The following WDR27 variants were observed in gnomAD, a reference collection of about 807,000 sequenced individuals.
WDR27 encodes WD repeat-containing protein 27.
Under a neutral mutation model 114.4 loss-of-function variants are expected in WDR27, and 100 were observed. The observed-to-expected ratio is 0.87, with a 90% CI of 0.74 to 1.03. The LOEUF is 1.03. Ranked by LOEUF, WDR27 falls within the 50% of genes least tolerant of loss-of-function variation. The pLI, the probability that WDR27 is intolerant of heterozygous loss-of-function variation, is 0.00. For missense variants in WDR27, 1,129 were observed against 1,092.9 expected, an observed-to-expected ratio of 1.03 and a Z score of -0.47; for synonymous variants, 449 against 423.1, an observed-to-expected ratio of 1.06 and a Z score of -0.75.
chr6:169,651,360 G>A (rs1822512977), intron 14 of WDR27, among the ~76,000 whole-genome samples: 1 of 152,068 alleles, frequency 6.6e-6, no homozygotes. Context: ...TGAGGTAGGA[G>A]GCGGGGGATA....
chr6:169,508,576 G>T (rs1792325610), intron 25 of WDR27, among the ~76,000 whole-genome samples: 1 of 152,114 alleles, frequency 6.6e-6, no homozygotes, highest in Non-Finnish European at 1.5e-5. Context: ...TGAATTGTCT[G>T]CATGGAACAA....
Position 169,602,182 on chromosome 6 carries a change from G to A in WDR27, c.2424+37C>T, listed in dbSNP as rs558331917. ...ACAGTCTACACATTACCAAAGTCTAGACTCTCTACATTTATAGACAGTCAA... is the reference window on the plus strand; with the variant it reads ...ACAGTCTACACATTACCAAAGTCTAAACTCTCTACATTTATAGACAGTCAA... On this transcript the variant is annotated intron_variant, in intron 23 of 25. Coordinates refer to ENST00000448612, the MANE Select transcript of WDR27 (RefSeq NM_182552.5). The A allele has an allele frequency of 4.8e-6, 7 of 1,466,462 alleles. 1 individual carries two copies. The East Asian group carries it at 1.8e-4, about 37-fold the overall frequency. 90.8% of individuals were successfully genotyped at this position (1,466,462 alleles called of 1,614,324 possible).
intron 21 of WDR27, among the ~76,000 whole-genome samples, chr6:169,627,354 T>C (rs1464525144): frequency 6.6e-6 from 1 of 152,196 alleles, no homozygotes; most frequent in Non-Finnish European, 1.5e-5. Context: ...CTTGAAGTGT[T>C]CTAAAAAATC....
At chr6:169,435,534 C>T in the WDR27 span, among the ~76,000 whole-genome samples, 1 of 152,198 alleles carries the variant, frequency 6.6e-6, no homozygotes, top group Non-Finnish European at 1.5e-5. Flanking sequence ...ATGAGTGTGA[C>T]CTGGACGTGA....
intron 25 of WDR27, among the ~76,000 whole-genome samples, chr6:169,519,335 T>C (rs1161672615): frequency 6.6e-6 from 1 of 152,204 alleles, no homozygotes; most frequent in African/African-American, 2.4e-5. Context: ...TAAAAAGAAA[T>C]ACATGAGACT....
At chr6:169,427,792 T>C in the WDR27 span, among the ~76,000 whole-genome samples, 1 of 129,820 alleles carries the variant, frequency 7.7e-6, no homozygotes, top group Non-Finnish European at 1.6e-5. Flanking sequence ...TTGGAACAAG[T>C]GAAGACAAAC....
chr6:169,667,202 A>G lies in WDR27; in HGVS notation c.661-15T>C. On this transcript the variant is annotated splice_polypyrimidine_tract_variant and intron_variant, in intron 5 of 25. Coordinates refer to ENST00000448612, the MANE Select transcript of WDR27 (RefSeq NM_182552.5). ...TGGTCCCAGACCTTTGGATAAACAC[A>G]GGATTCTTTAGAAGAGGTAACAACG... 1 of 1,503,938 alleles carries G rather than the reference A, an allele frequency of 6.6e-7. No individual in the cohort carries two copies. The highest frequency in any genetic ancestry group is 8.9e-7 in the Non-Finnish European group (1 of 1,128,814). 93.2% of individuals were successfully genotyped at this position (1,503,938 alleles called of 1,614,324 possible). A position where few individuals can be genotyped will look rare whatever the true frequency, so the allele number is the denominator to read the frequency against.
intron 24 of WDR27, among the ~76,000 whole-genome samples, chr6:169,573,571 T>A (rs1801788673): frequency 6.6e-6 from 1 of 152,052 alleles, no homozygotes; most frequent in African/African-American, 2.4e-5. Context: ...CTGGAACCAA[T>A]CCCCCATGTA....
chr6:169,632,150 T>C (rs1816562380), intron 21 of WDR27, among the ~76,000 whole-genome samples: 1 of 142,842 alleles, frequency 7.0e-6, no homozygotes, highest in African/African-American at 2.7e-5. Flanking sequence ...ATAGTGCCAC[T>C]GCACTCCCGC....
At chr6:169,674,595 C>T (rs931563474) in intron 2 of WDR27, among the ~76,000 whole-genome samples, 25 of 152,176 alleles carry the variant, frequency 1.6e-4, no homozygotes, top group Admixed American at 3.3e-4. Context: ...GGAAACTTCA[C>T]GTGACCTGAC....
intron 25 of WDR27, among the ~76,000 whole-genome samples, chr6:169,474,906 G>C (rs896003205): frequency 6.6e-6 from 1 of 152,160 alleles, no homozygotes; most frequent in South Asian, 2.1e-4. Context: ...TCTTGATAAA[G>C]TGCCCATCCC....
intron 22 of WDR27, among the ~76,000 whole-genome samples, chr6:169,606,212 G>A (rs1174430108): frequency 1.3e-5 from 2 of 152,072 alleles, no homozygotes; most frequent in Non-Finnish European, 2.9e-5. Flanking sequence ...GCATTTTACA[G>A]GGGACTAACA....
intron 23 of WDR27, among the ~76,000 whole-genome samples, chr6:169,593,771 C>G (rs573633332): frequency 6.6e-6 from 1 of 152,130 alleles, no homozygotes; most frequent in Non-Finnish European, 1.5e-5. Flanking sequence ...ACCTCTTGAA[C>G]CCGGGAGGCG....
intron 25 of WDR27, among the ~76,000 whole-genome samples, chr6:169,499,914 T>C (rs1562498104): frequency 6.6e-6 from 1 of 152,092 alleles, no homozygotes; most frequent in African/African-American, 2.4e-5. Context: ...TGCACAGCCA[T>C]AGGAGATTGG....
chr6:169,538,920 T>C (rs946781714), intron 25 of WDR27, among the ~76,000 whole-genome samples: 4 of 152,176 alleles, frequency 2.6e-5, no homozygotes, highest in Non-Finnish European at 4.4e-5. Flanking sequence ...GTAGGCCATA[T>C]AGTTTCTCGC....
At chr6:169,600,384 G>A (rs1807719901) in intron 23 of WDR27, among the ~76,000 whole-genome samples, 1 of 152,072 alleles carries the variant, frequency 6.6e-6, no homozygotes, top group South Asian at 2.1e-4. Flanking sequence ...CAGAAAACCT[G>A]GAAACTCTAA....
intron 23 of WDR27, among the ~76,000 whole-genome samples, chr6:169,585,205 T>TA (rs1338595376): frequency 6.6e-6 from 1 of 152,132 alleles, no homozygotes; most frequent in African/African-American, 2.4e-5. Flanking sequence ...GAAGAGAACA[T>TA]AGTGGAAAAG....
At chr6:169,637,722 T>C (rs543311125) in intron 18 of WDR27, among the ~76,000 whole-genome samples, 20 of 152,214 alleles carry the variant, frequency 1.3e-4, no homozygotes, top group Non-Finnish European at 8.8e-5. Flanking sequence ...TGTGTGCCTA[T>C]TGCATGTGTG....
intron 12 of WDR27, 72 bp from the exon 13 acceptor site, chr6:169,658,430 C>T (rs936280597): frequency 2.5e-5 from 29 of 1,161,232 alleles, no homozygotes; most frequent in Non-Finnish European, 3.8e-6. Flanking sequence ...CAGTGACACA[C>T]ACTTTAAAGA....
Sources: allele counts gnomAD v4.1 joint callset (sites outside exome capture counted in the v4.1 genomes callset), GRCh38; gene constraint gnomAD v4.1.1; transcripts MANE v1.5; gene names NCBI Gene and HGNC (gene_info 2026-07-23, HGNC 2026-07-21).